The following OR1S2 variants were observed in gnomAD, a reference collection of about 807,000 sequenced individuals.
OR1S2 encodes olfactory receptor 1S2.
Under a neutral mutation model 1.7 loss-of-function variants are expected in OR1S2, and 1 was observed. That is an observed-to-expected ratio of 0.59 (90% confidence interval 0.21 to 2.81). OR1S2 has a LOEUF of 2.81. Ranked by LOEUF, OR1S2 falls within the 30% of genes most tolerant of loss-of-function variation. OR1S2 has a pLI of 0.22. For missense variants in OR1S2, 391 were observed against 371.6 expected (o/e 1.05, Z -0.43); for synonymous variants, 157 against 145.3 (o/e 1.08, Z -0.58).
exon 1 of OR1S2, chr11:58,203,563 T>C: frequency 4.3e-6 from 7 of 1,614,146 alleles, no homozygotes; most frequent in Non-Finnish European, 5.1e-6. Flanking sequence ...AGCTCATTGA[T>C]CATTGTATCT....
At chr11:58,203,548 A>G (rs773302297) in exon 1 of OR1S2, 1 of 1,614,164 alleles carries the variant, frequency 6.2e-7, no homozygotes, top group Non-Finnish European at 8.5e-7. Flanking sequence ...ACAATAAACA[A>G]CACAAGCTCA....
rs149262384 is a variant in OR1S2, at chr11:58,204,017, G to T, written c.126C>A (p.Asn42Lys). 2 of 1,614,008 alleles carry T rather than the reference G, an allele frequency of 1.2e-6. No individual in the cohort carries two copies. The highest frequency in any genetic ancestry group is 4.5e-5 in the East Asian group (2 of 44,872). Residue 42 changes from asparagine (N) to lysine (K), a missense_variant, in exon 1 of 1, where the codon AAC (asparagine) becomes AAA (lysine). Coordinates refer to ENST00000641683, the Ensembl canonical transcript of OR1S2. ...AGCTGATAGCCACAATGATGAGCCCGTTCCCAACCACAGTGACCACATACA... is the reference window on the plus strand; with the variant it reads ...AGCTGATAGCCACAATGATGAGCCCTTTCCCAACCACAGTGACCACATACA...
At position 58,204,043 on chromosome 11, in the gene OR1S2, TACTC is replaced by T; in HGVS notation, c.96_99del (p.Ser33CysfsTer50). 6.2e-7 allele frequency: 1 copy of T among 1,614,010 alleles called. No homozygotes were observed. On this transcript the variant is annotated frameshift_variant, in exon 1 of 1. Coordinates refer to ENST00000641683, the Ensembl canonical transcript of OR1S2. LOFTEE classifies it low-confidence loss of function (END_TRUNC). ...TTCCCAACCACAGTGACCACATACA[TACTC>T]AGGAAAAGCACAAAGAGGAGGTTTT...
chr11:58,204,002 C>A, exon 1 of OR1S2: 1 of 1,614,030 alleles, frequency 6.2e-7, no homozygotes, highest in Non-Finnish European at 8.5e-7. Flanking sequence ...AGCTGATAGC[C>A]ACAATGATGA....
exon 1 of OR1S2, chr11:58,203,546 C>T: frequency 6.2e-7 from 1 of 1,614,108 alleles, no homozygotes; most frequent in Non-Finnish European, 8.5e-7. Flanking sequence ...CCACAATAAA[C>T]AACACAAGCT....
At chr11:58,203,426 G>A (rs1854870028) in exon 1 of OR1S2, 1 of 1,613,992 alleles carries the variant, frequency 6.2e-7, no homozygotes, top group Non-Finnish European at 8.5e-7. Flanking sequence ...AGCCACAAGT[G>A]GAGAAGGCTT....
chr11:58,204,127 G>T, exon 1 of OR1S2: 2 of 1,613,918 alleles, frequency 1.2e-6, no homozygotes, highest in Non-Finnish European at 1.7e-6. Context: ...ATGGTGGTTT[G>T]GTTTTCTTGA....
At position 58,203,342 on chromosome 11, in the gene OR1S2, AG is replaced by A; in HGVS notation, c.800del (p.Pro267LeufsTer15). 1.2e-6 allele frequency: 2 copies of A among 1,614,094 alleles called. No homozygotes were observed. Among genetic ancestry groups the A allele is most frequent in the Non-Finnish European group, 8.5e-7 (1 of 1,179,980 alleles). On this transcript the variant is annotated frameshift_variant, in exon 1 of 1. Coordinates refer to ENST00000641683, the Ensembl canonical transcript of OR1S2. LOFTEE classifies it high-confidence loss of function. Reference sequence around the variant, plus strand: ...CAGCACCAATCTTATCAGTGTCCTCAGGGTGAGTGGAGGAGGGGAAAAAGTA... The same window carrying A: ...CAGCACCAATCTTATCAGTGTCCTCAGGTGAGTGGAGGAGGGGAAAAAGTA...
exon 1 of OR1S2, chr11:58,203,652 A>G: frequency 6.2e-7 from 1 of 1,614,170 alleles, no homozygotes; most frequent in Non-Finnish European, 8.5e-7. Context: ...GAGCAATTGA[A>G]TGAGCAGAAG....
chr11:58,203,721 C>T, exon 1 of OR1S2: 1 of 1,613,988 alleles, frequency 6.2e-7, no homozygotes, highest in African/African-American at 1.3e-5. Flanking sequence ...GAGCAAAGTG[C>T]CGAACCTGGC....
At chr11:58,203,977 G>A (rs1469290851) in exon 1 of OR1S2, 2 of 1,613,924 alleles carry the variant, frequency 1.2e-6, no homozygotes, top group East Asian at 2.2e-5. Context: ...ATGGGGGTGT[G>A]AAGGTATATA....
rs150034933 is a variant in OR1S2, at chr11:58,203,296, G to A, written c.847C>T (p.Pro283Ser). 580 of 1,614,070 alleles carry A rather than the reference G, an allele frequency of 3.6e-4. 1 individual carries two copies. In the African/African-American group the frequency reaches 4.4e-3, roughly 12 times the overall value. Residue 283 changes from proline to serine, a missense_variant, in exon 1 of 1, where the codon CCC (proline) becomes TCC (serine). Coordinates refer to ENST00000641683, the Ensembl canonical transcript of OR1S2. ...CTGTAGATGAAGGGGTTCATCATGG[G>A]TGTCACCACAGTGAATAGGACAGCA...
chr11:58,203,718 G>T (rs772984846), exon 1 of OR1S2: 2 of 1,596,056 alleles, frequency 1.3e-6, no homozygotes, highest in African/African-American at 2.7e-5. Flanking sequence ...TGTGAGCAAA[G>T]TGCCGAACCT....
exon 1 of OR1S2, chr11:58,203,530 A>G (rs374374317): frequency 6.2e-7 from 1 of 1,614,054 alleles, no homozygotes; most frequent in African/African-American, 1.3e-5. Context: ...ATGATAACTG[A>G]TAAACCCACA....
At chr11:58,203,362 A>T in exon 1 of OR1S2, 7 of 1,614,024 alleles carry the variant, frequency 4.3e-6, no homozygotes, top group Non-Finnish European at 5.9e-6. Flanking sequence ...GAGGAGGGGA[A>T]AAAGTACACG....
At chr11:58,203,618 T>G (rs1415589444) in exon 1 of OR1S2, 1 of 1,613,890 alleles carries the variant, frequency 6.2e-7, no homozygotes, top group East Asian at 2.2e-5. Flanking sequence ...AGAAGAAGTG[T>G]GGGAGAGTGT....
Position 58,203,536 on chromosome 11 carries a change from C to T in OR1S2, c.607G>A (p.Gly203Ser), listed in dbSNP as rs755571183. 3.1e-6 allele frequency: 5 copies of T among 1,613,890 alleles called. No individual in the cohort carries two copies. In the African/African-American group the frequency reaches 5.3e-5, roughly 17 times the overall value. ...AAGGGGAAGATGATAACTGATAAAC[C>T]CACAATAAACAACACAAGCTCATTG... The change falls in exon 1 of 1, where the codon GGT (glycine) becomes AGT (serine). Residue 203 changes from glycine to serine, a missense_variant. Gly to Ser is a moderately conservative substitution (Grantham distance 56, BLOSUM62 0). Transcript: ENST00000641683.
chr11:58,203,870 G>A (rs373294170), exon 1 of OR1S2: 228 of 1,613,990 alleles, frequency 1.4e-4, no homozygotes, highest in Non-Finnish European at 1.8e-4. Context: ...CATAAGAGAT[G>A]GATTGGCTGT....
chr11:58,203,456 T>G (rs201120214), exon 1 of OR1S2: 1 of 1,613,626 alleles, frequency 6.2e-7, no homozygotes, highest in South Asian at 1.1e-5. Context: ...CCTGTGTGGA[T>G]GATACTCCCA....
Sources: allele counts gnomAD v4.1 joint callset, GRCh38; gene constraint gnomAD v4.1.1; transcripts MANE v1.5; gene names NCBI Gene and HGNC (gene_info 2026-07-23, HGNC 2026-07-21).